PLCG2: variants seen among roughly 807,000 people sequenced by gnomAD.
The protein encoded by PLCG2 is phospholipase C gamma 2.
In PLCG2, 69 loss-of-function variants were observed where a neutral mutation model predicts 175.6. The ratio of observed to expected loss-of-function variants is 0.39; its 90% CI spans 0.32 to 0.48. The LOEUF is 0.48. PLCG2 is among the 20% of genes least tolerant of loss of function. The pLI is 0.91. For missense variants in PLCG2, 1,798 were observed against 1,650.9 expected (o/e 1.09, Z -1.54); for synonymous variants, 827 against 624.0 (o/e 1.33, Z -4.85).
chr16:81,946,337 C>T, intron 31 of PLCG2, 74 bp downstream of exon 31: 2 of 1,039,382 alleles, frequency 1.9e-6, no homozygotes, highest in Non-Finnish European at 3.0e-6. Context: ...CCCGTGAATA[C>T]AATTGGCAGA....
At chr16:81,776,773 G>A (rs1415787504), upstream of PLCG2, among the ~76,000 whole-genome samples, 14 of 151,978 alleles carry the variant, frequency 9.2e-5, no homozygotes, top group Non-Finnish European at 2.9e-5. Context: ...CAGGATAGTC[G>A]TGAACTCCTG....
At chr16:81,887,175 A>G (rs544969343) in intron 9 of PLCG2, among the ~76,000 whole-genome samples, 4 of 151,210 alleles carry the variant, frequency 2.6e-5, no homozygotes, top group African/African-American at 9.7e-5. Context: ...GCTGGAGTAC[A>G]GTGGCGCGAT....
chr16:81,887,270 C>A (rs1908417665), intron 9 of PLCG2, among the ~76,000 whole-genome samples: 1 of 152,144 alleles, frequency 6.6e-6, no homozygotes, highest in Non-Finnish European at 1.5e-5. Flanking sequence ...CAGGCACCCG[C>A]CACCACGCCC....
chr16:81,891,939 G>A (rs1248838474), intron 11 of PLCG2, among the ~76,000 whole-genome samples: 1 of 152,216 alleles, frequency 6.6e-6, no homozygotes, highest in Non-Finnish European at 1.5e-5. Context: ...GTGACTCATT[G>A]AATTGACTTA....
At chr16:81,749,127 A>C (rs777432129) in intron 1 of PLCG2, among the ~76,000 whole-genome samples, 13 of 152,088 alleles carry the variant, frequency 8.5e-5, no homozygotes, top group Non-Finnish European at 1.8e-4. Context: ...CCGGGCAGCC[A>C]AACCAGGGTT....
In PLCG2 at chr16:81,961,421, T is replaced by C. The variant is rs73598741; in HGVS notation, c.*3423T>C. 9.2e-4 allele frequency: 209 copies of C among 226,952 alleles called. No individual in the cohort carries two copies. Among genetic ancestry groups the C allele is most frequent in the African/African-American group, 4.3e-3 (196 of 45,132 alleles). 14.1% of individuals were successfully genotyped at this position (226,952 alleles called of 1,614,324 possible). The stretch of plus-strand genomic sequence containing the variant: ...ACTATGTTTAATAATTTAGTGAAAT[T>C]TGGGCTATGTGTTTATTGATTCAGC... On this transcript the variant is annotated 3_prime_UTR_variant, in exon 33 of 33. Coordinates refer to ENST00000564138, the MANE Select transcript of PLCG2 (RefSeq NM_002661.5).
chr16:81,835,825 C>G (rs1905484897), intron 2 of PLCG2, among the ~76,000 whole-genome samples: 1 of 152,192 alleles, frequency 6.6e-6, no homozygotes, highest in Admixed American at 6.5e-5. Context: ...TCTTCCTGGC[C>G]TCTGGTAGCT....
chr16:81,881,313 G>A lies in PLCG2; in HGVS notation c.692+360G>A, dbSNP rs140833314. Among the ~76,000 whole-genome samples the A allele has an allele frequency of 1.3e-3, 202 of 152,266 alleles. 1 individual carries two copies. Among genetic ancestry groups the A allele is most frequent in the Middle Eastern group, 3.4e-3 (1 of 294 alleles). On this transcript the variant is annotated intron_variant, in intron 8 of 32. Transcript: ENST00000564138. Reference sequence around the variant, plus strand: ...AAGTGAAAAATTCCTTGTTAAACAGGTTTAACTGAATTAAAATGAGTTCAG... The same window carrying A: ...AAGTGAAAAATTCCTTGTTAAACAGATTTAACTGAATTAAAATGAGTTCAG...
intron 5 of PLCG2, among the ~76,000 whole-genome samples, chr16:81,868,972 G>C (rs941334576): frequency 6.6e-6 from 1 of 152,208 alleles, no homozygotes; most frequent in African/African-American, 2.4e-5. Context: ...CCTTATTGGG[G>C]CATCACCCTA....
At chr16:81,872,056 C>T (rs55822905) in intron 7 of PLCG2, among the ~76,000 whole-genome samples, 83,129 of 152,000 alleles carry the variant, frequency 0.55, 23,485 homozygotes, top group Middle Eastern at 0.62. Flanking sequence ...AGGCCAGGTG[C>T]AGTGGTTGAC....
At chr16:81,923,666 G>A (rs939429864) in intron 22 of PLCG2, 72 bp downstream of exon 22, 10 of 906,894 alleles carry the variant, frequency 1.1e-5, no homozygotes, top group Admixed American at 2.0e-5. Context: ...TAAGACTCAG[G>A]TGCTGGCCAA....
chr16:81,831,263 T>G (rs1387820978), intron 2 of PLCG2, among the ~76,000 whole-genome samples: 2 of 152,220 alleles, frequency 1.3e-5, no homozygotes, highest in African/African-American at 4.8e-5. Context: ...TTGGTCTGTT[T>G]TATTCATAGC....
chr16:81,958,841 A>G lies in PLCG2; in HGVS notation c.*843A>G, dbSNP rs375524001. 21 of 221,294 alleles carry G rather than the reference A, an allele frequency of 9.5e-5. No homozygotes were observed. The East Asian group carries it at 1.2e-3, about 12-fold the overall frequency. The allele number at this position is 221,294 out of a possible 1,614,324, so 13.7% of individuals were successfully genotyped here. On this transcript the variant is annotated 3_prime_UTR_variant, in exon 33 of 33. Transcript: ENST00000564138. ...CTTGGTCCACAGCTCTCCACAGGCA[A>G]GAGGTCAACTGCTGCTTGAAAGAGG...
At chr16:81,951,920 G>C (rs1304872255) in intron 31 of PLCG2, among the ~76,000 whole-genome samples, 1 of 152,138 alleles carries the variant, frequency 6.6e-6, no homozygotes, top group Non-Finnish European at 1.5e-5. Flanking sequence ...AATTCTGATT[G>C]TATAGTTTAC....
intron 2 of PLCG2, among the ~76,000 whole-genome samples, chr16:81,816,062 T>TAAA (rs57508298): frequency 1.4e-5 from 2 of 139,998 alleles, no homozygotes; most frequent in African/African-American, 2.7e-5. Flanking sequence ...ACTTCATCTT[T>TAAA]AAAAAAAAAA....
intron 6 of PLCG2, 136 bp downstream of exon 6, chr16:81,869,434 C>T: frequency 1.5e-6 from 1 of 670,712 alleles, no homozygotes; most frequent in South Asian, 1.7e-5. Flanking sequence ...CATCTTAGTT[C>T]AGACAGAGGG....
chr16:81,936,754 A>G (rs3934954), intron 27 of PLCG2, among the ~76,000 whole-genome samples: 40,135 of 152,068 alleles, frequency 0.26, 7,403 homozygotes, highest in African/African-American at 0.53. Flanking sequence ...ACATGCTGGC[A>G]TAACTAACAT....
chr16:81,914,844 C>T (rs1401622523), intron 19 of PLCG2, among the ~76,000 whole-genome samples: 1 of 152,206 alleles, frequency 6.6e-6, no homozygotes, highest in Non-Finnish European at 1.5e-5. Flanking sequence ...CCCCACCTCA[C>T]CCCATGGCCC....
intron 31 of PLCG2, among the ~76,000 whole-genome samples, chr16:81,956,189 ATAAT>A (rs1911560693): frequency 6.6e-6 from 1 of 152,214 alleles, no homozygotes; most frequent in Non-Finnish European, 1.5e-5. Flanking sequence ...TTCACTTAGC[ATAAT>A]GTTTTCAAGG....
Sources: gnomAD v4.1 joint callset for allele counts (sites outside exome capture counted in the v4.1 genomes callset) on GRCh38, gnomAD v4.1.1 for gene constraint, MANE v1.5 for transcripts, NCBI Gene and HGNC (gene_info 2026-07-23, HGNC 2026-07-21) for gene names.